MCEMP1: variants seen among roughly 807,000 people sequenced by gnomAD.
The protein encoded by MCEMP1 is mast cell-expressed membrane protein 1.
Under a neutral mutation model 27.9 loss-of-function variants are expected in MCEMP1, and 17 were observed. The ratio of observed to expected loss-of-function variants is 0.61; its 90% CI spans 0.42 to 0.91. The LOEUF is 0.91. Ranked by LOEUF, MCEMP1 falls within the 40% of genes least tolerant of loss-of-function variation. MCEMP1 has a pLI of 0.00. For synonymous variants in MCEMP1, 88 were observed against 76.9 expected, an observed-to-expected ratio of 1.14 and a Z score of -0.76; for missense variants, 200 against 204.8, an observed-to-expected ratio of 0.98 and a Z score of 0.14.
Position 7,677,897 on chromosome 19 carries a change from C to A in MCEMP1, c.145+171C>A. The A allele has an allele frequency of 3.9e-6, 4 of 1,027,214 alleles. No homozygotes were observed. Among genetic ancestry groups the A allele is most frequent in the Non-Finnish European group, 5.8e-6 (4 of 692,294 alleles). 63.6% of individuals were successfully genotyped at this position (1,027,214 alleles called of 1,614,324 possible). A position where few individuals can be genotyped will look rare whatever the true frequency, so the allele number is the denominator to read the frequency against. ...TTGATGATGACAATGTTGGGGAATG[C>A]TGGAGAGGGGGTCTGTGATGGTGAC... is the stretch of plus-strand genomic sequence containing the variant. On this transcript the variant is annotated intron_variant, in intron 2 of 6. Transcript: ENST00000333598. This position sits in a 1 kb window ranked among gnomAD's most constrained non-coding sequence, Gnocchi z 4.6.
In MCEMP1 at chr19:7,678,146, C is replaced by T. The variant is rs2032573636; in HGVS notation, c.188C>T (p.Pro63Leu). 6.2e-7 allele frequency: 1 copy of T among 1,613,640 alleles called. No individual in the cohort carries two copies. Among genetic ancestry groups the T allele is most frequent in the Non-Finnish European group, 8.5e-7 (1 of 1,179,754 alleles). ...CRPPSDSTQVPCWLYRAILSL... is the reference protein window; with the variant it reads ...CRPPSDSTQVLCWLYRAILSL... ...CCGCCCTCAGACTCCACCCAGGTCC[C>T]CTGCTGGTTGTACAGAGCCATCCTG... The change falls in exon 3 of 7, where the codon CCC becomes CTC. Residue 63 changes from proline (P) to leucine (L), a missense_variant. Coordinates refer to ENST00000333598, the MANE Select transcript of MCEMP1 (RefSeq NM_174918.3). This position sits in a 1 kb window ranked among gnomAD's most constrained non-coding sequence, Gnocchi z 4.8.
rs1296209375 is a variant in MCEMP1, at chr19:7,679,322, G to A, written c.*208G>A. ...CGTGCGTGTGTGTGCGTGTGTGCGC[G>A]TGTGTTCGTGTATGTGCGTGTGTGC... On this transcript the variant is annotated 3_prime_UTR_variant, in exon 7 of 7. Coordinates refer to ENST00000333598, the MANE Select transcript of MCEMP1 (RefSeq NM_174918.3). This position sits in a 1 kb window ranked among gnomAD's most constrained non-coding sequence, Gnocchi z 4.9. 4.6e-5 allele frequency: 29 copies of A among 625,230 alleles called. No homozygotes were observed. Among genetic ancestry groups the A allele is most frequent in the South Asian group, 1.5e-4 (7 of 46,986 alleles). The allele number at this position is 625,230 out of a possible 1,614,324, so 38.7% of individuals were successfully genotyped here.
chr19:7,678,300 C>G lies in MCEMP1; in HGVS notation c.284-50C>G. The G allele has an allele frequency of 2.5e-6, 4 of 1,613,510 alleles. No individual in the cohort carries two copies. Among genetic ancestry groups the G allele is most frequent in the Non-Finnish European group, 3.4e-6 (4 of 1,179,554 alleles). On this transcript the variant is annotated intron_variant, in intron 3 of 6. Coordinates refer to ENST00000333598, the MANE Select transcript of MCEMP1 (RefSeq NM_174918.3). The surrounding 1 kb of genome is among the most constrained non-coding windows in gnomAD (Gnocchi z 4.8). The stretch of plus-strand genomic sequence containing the variant: ...CCTAGACTTTCTCCCTTGTCCTTCT[C>G]TCTCTCTCTCCCTGGGTGCTTCAAG...
At position 7,678,576 on chromosome 19, in the gene MCEMP1, G is replaced by C; in HGVS notation, c.420G>C (p.Lys140Asn). 2 of 1,614,054 alleles carry C rather than the reference G, an allele frequency of 1.2e-6. No homozygotes were observed. Among genetic ancestry groups the C allele is most frequent in the Non-Finnish European group, 1.7e-6 (2 of 1,179,922 alleles). ...AGAGCATCACCATGGTCAGGAGCAA[G>C]ATTGATAGATTAGAGACGACATTAG... The part of the protein sequence containing the change: ...VQQSITMVRS[K>N]IDRLETTLAG... Residue 140 changes from lysine (K) to asparagine (N), a missense_variant, in exon 5 of 7, where the codon AAG becomes AAC. Physicochemically the swap from Lys to Asn is moderately conservative, Grantham distance 94. Coordinates refer to ENST00000333598, the MANE Select transcript of MCEMP1 (RefSeq NM_174918.3). The surrounding 1 kb of genome is among the most constrained non-coding windows in gnomAD (Gnocchi z 4.8).
chr19:7,677,212 G>A lies in MCEMP1; in HGVS notation c.55+37G>A, dbSNP rs755531314. The stretch of plus-strand genomic sequence containing the variant: ...CGAGGTGGAAGGGAGGGGTTAAGAA[G>A]GAGAGATTGGGGGGCCGGGGGCTTT... On this transcript the variant is annotated intron_variant, in intron 1 of 6. Transcript: ENST00000333598. The surrounding 1 kb of genome is among the most constrained non-coding windows in gnomAD (Gnocchi z 4.6). 5 of 1,533,366 alleles carry A rather than the reference G, an allele frequency of 3.3e-6. No individual in the cohort carries two copies. Among genetic ancestry groups the A allele is most frequent in the Non-Finnish European group, 4.4e-6 (5 of 1,128,792 alleles). The allele number at this position is 1,533,366 out of a possible 1,614,324, so 95.0% of individuals were successfully genotyped here.
chr19:7,678,573 C>G lies in MCEMP1; in HGVS notation c.417C>G (p.Ser139Arg). ...SVQQSITMVRSKIDRLETTLA... is the reference protein window; with the variant it reads ...SVQQSITMVRRKIDRLETTLA... ...AGCAGAGCATCACCATGGTCAGGAG[C>G]AAGATTGATAGATTAGAGACGACAT... Residue 139 changes from serine to arginine, a missense_variant, in exon 5 of 7, where the codon AGC (serine) becomes AGG (arginine). Coordinates refer to ENST00000333598, the MANE Select transcript of MCEMP1 (RefSeq NM_174918.3). This position sits in a 1 kb window ranked among gnomAD's most constrained non-coding sequence, Gnocchi z 4.8. The G allele has an allele frequency of 6.2e-7, 1 of 1,614,004 alleles. No individual in the cohort carries two copies.
chr19:7,677,656 T>G lies in MCEMP1; in HGVS notation c.75T>G (p.Tyr25Ter). 1 of 1,614,010 alleles carries G rather than the reference T, an allele frequency of 6.2e-7. No homozygotes were observed. Among genetic ancestry groups the G allele is most frequent in the Non-Finnish European group, 8.5e-7 (1 of 1,179,924 alleles). ...AKNQGAHDPD[Y>*]ENITLAFKNQ... ...TCCCAGGTGCCCATGACCCAGACTA[T>G]GAGAATATCACCTTGGCCTTCAAAA... The change falls in exon 2 of 7, where the codon TAT becomes TAG. Residue 25 changes from tyrosine to a stop codon, truncating the protein, a stop_gained. Transcript: ENST00000333598. LOFTEE classifies it high-confidence loss of function. The surrounding 1 kb of genome is among the most constrained non-coding windows in gnomAD (Gnocchi z 4.6).
chr19:7,677,854 A>G lies in MCEMP1; in HGVS notation c.145+128A>G. ...GGGAAGGAAGAGGTGACAGCTGTTG[A>G]CGTGCTAATGAGGTCTGTTGATGAT... On this transcript the variant is annotated intron_variant, in intron 2 of 6. Coordinates refer to ENST00000333598, the MANE Select transcript of MCEMP1 (RefSeq NM_174918.3). The surrounding 1 kb of genome is among the most constrained non-coding windows in gnomAD (Gnocchi z 4.6). The G allele has an allele frequency of 2.8e-6, 3 of 1,065,476 alleles. No individual in the cohort carries two copies. Among genetic ancestry groups the G allele is most frequent in the Middle Eastern group, 3.0e-4 (1 of 3,300 alleles). The allele number at this position is 1,065,476 out of a possible 1,614,324, so 66.0% of individuals were successfully genotyped here.
Position 7,677,133 on chromosome 19 carries a change from G to A in MCEMP1, c.13G>A (p.Ala5Thr). The part of the protein sequence containing the change: MQAP[A>T]FRDKKQGVSA... ...CCAGGAAGTCAAGATGCAAGCACCA[G>A]CCTTCAGGGACAAGAAACAGGGGGT... Residue 5 changes from alanine to threonine, a missense_variant, in exon 1 of 7, where the codon GCC (alanine) becomes ACC (threonine). Physicochemically the swap from Ala to Thr is moderately conservative, Grantham distance 58. Transcript: ENST00000333598. This position sits in a 1 kb window ranked among gnomAD's most constrained non-coding sequence, Gnocchi z 4.6. 1 of 1,600,268 alleles carries A rather than the reference G, an allele frequency of 6.2e-7. No homozygotes were observed. The highest frequency in any genetic ancestry group is 8.5e-7 in the Non-Finnish European group (1 of 1,173,012).
At position 7,679,411 on chromosome 19, in the gene MCEMP1, A is replaced by G. The variant is rs1265880040; in HGVS notation, c.*297A>G. ...CAGTGTATCTCCCAGAAAGGTGATG[A>G]ATGAATAGGACTGAGAGTCACAGTG... On this transcript the variant is annotated 3_prime_UTR_variant, in exon 7 of 7. Transcript: ENST00000333598. The surrounding 1 kb of genome is among the most constrained non-coding windows in gnomAD (Gnocchi z 4.9). The G allele has an allele frequency of 2.3e-6, 1 of 444,060 alleles. No homozygotes were observed. The highest frequency in any genetic ancestry group is 4.0e-6 in the Non-Finnish European group (1 of 249,816). 27.5% of individuals were successfully genotyped at this position (444,060 alleles called of 1,614,324 possible).
In MCEMP1 at chr19:7,678,502, G is replaced by T; in HGVS notation, c.346G>T (p.Val116Leu). The T allele has an allele frequency of 6.2e-7, 1 of 1,614,102 alleles. No homozygotes were observed. Among genetic ancestry groups the T allele is most frequent in the African/African-American group, 1.3e-5 (1 of 75,016 alleles). Residue 116 changes from valine (V) to leucine (L), a missense_variant, in exon 5 of 7, where the codon GTA becomes TTA. Physicochemically the swap from Val to Leu is conservative, Grantham distance 32. Coordinates refer to ENST00000333598, the MANE Select transcript of MCEMP1 (RefSeq NM_174918.3). The surrounding 1 kb of genome is among the most constrained non-coding windows in gnomAD (Gnocchi z 4.8). ...TTTCATGCCCTCAGTCTCAAACTCC[G>T]TACAAGCATGCGAAGAGAGACAGAA... ...KRELWNVSNSVQACEERQKRG... is the reference protein window; with the variant it reads ...KRELWNVSNSLQACEERQKRG...
Position 7,677,721 on chromosome 19 carries a change from G to T in MCEMP1, c.140G>T (p.Ser47Ile). ...AAGGGTGGTCATTCACGACCCACGAGCCAAGGTGAGCAGACACCCACCTGC... is the reference window on the plus strand; with the variant it reads ...AAGGGTGGTCATTCACGACCCACGATCCAAGGTGAGCAGACACCCACCTGC... ...HAKGGHSRPTSQVPAQCRPPS... is the reference protein window; with the variant it reads ...HAKGGHSRPTIQVPAQCRPPS... The change falls in exon 2 of 7, where the codon AGC becomes ATC. Residue 47 changes from serine (S) to isoleucine (I), a missense_variant. Ser to Ile is a moderately radical substitution (Grantham distance 142). Transcript: ENST00000333598. The surrounding 1 kb of genome is among the most constrained non-coding windows in gnomAD (Gnocchi z 4.6). 6.2e-7 allele frequency: 1 copy of T among 1,603,782 alleles called. No homozygotes were observed. Among genetic ancestry groups the T allele is most frequent in the Non-Finnish European group, 8.5e-7 (1 of 1,174,548 alleles).
rs200494642 is a variant in MCEMP1, at chr19:7,678,123, G to T, written c.165G>T (p.Pro55=). The change falls in exon 3 of 7, where the codon CCG becomes CCT. Residue 55 remains proline, a synonymous_variant. Coordinates refer to ENST00000333598, the MANE Select transcript of MCEMP1 (RefSeq NM_174918.3). The surrounding 1 kb of genome is among the most constrained non-coding windows in gnomAD (Gnocchi z 4.8). ...CTCCAGTCCCAGCCCAGTGCAGGCC[G>T]CCCTCAGACTCCACCCAGGTCCCCT... is the stretch of plus-strand genomic sequence containing the variant. ...PTSQVPAQCR[P]PSDSTQVPCW... is the part of the protein sequence containing the mutation. The T allele has an allele frequency of 6.3e-5, 102 of 1,609,092 alleles. No homozygotes were observed. Among genetic ancestry groups the T allele is most frequent in the Non-Finnish European group, 8.2e-5 (96 of 1,177,854 alleles).
chr19:7,678,474 CT>C lies in MCEMP1; in HGVS notation c.335-16del, dbSNP rs1568481065. The C allele has an allele frequency of 1.2e-6, 2 of 1,613,732 alleles. No homozygotes were observed. The highest frequency in any genetic ancestry group is 2.2e-5 in the East Asian group (1 of 44,882). The stretch of plus-strand genomic sequence containing the variant: ...GAGAGGGATGGATGCACAGACACCC[CT>C]GTTTCATGCCCTCAGTCTCAAACTC... On this transcript the variant is annotated splice_polypyrimidine_tract_variant and intron_variant, in intron 4 of 6. Coordinates refer to ENST00000333598, the MANE Select transcript of MCEMP1 (RefSeq NM_174918.3). The surrounding 1 kb of genome is among the most constrained non-coding windows in gnomAD (Gnocchi z 4.8).
At position 7,678,909 on chromosome 19, in the gene MCEMP1, C is replaced by CA; in HGVS notation, c.449-15_449-14insA. On this transcript the variant is annotated splice_polypyrimidine_tract_variant and intron_variant, in intron 5 of 6. Coordinates refer to ENST00000333598, the MANE Select transcript of MCEMP1 (RefSeq NM_174918.3). This position sits in a 1 kb window ranked among gnomAD's most constrained non-coding sequence, Gnocchi z 4.8. ...TTGACTTATCTGTTCCCACCCAACCCTCCCCGCCCCCTAGGCATAAAAAAC... is the reference window on the plus strand; with the variant it reads ...TTGACTTATCTGTTCCCACCCAACCCATCCCCGCCCCCTAGGCATAAAAAAC... 1.4e-6 allele frequency: 2 copies of CA among 1,422,940 alleles called. No homozygotes were observed. Among genetic ancestry groups the CA allele is most frequent in the Non-Finnish European group, 9.7e-7 (1 of 1,026,562 alleles). 88.1% of individuals were successfully genotyped at this position (1,422,940 alleles called of 1,614,324 possible).
chr19:7,677,323 A>C lies in MCEMP1; in HGVS notation c.55+148A>C, dbSNP rs2032563892. On this transcript the variant is annotated intron_variant, in intron 1 of 6. Transcript: ENST00000333598. This position sits in a 1 kb window ranked among gnomAD's most constrained non-coding sequence, Gnocchi z 4.6. The stretch of plus-strand genomic sequence containing the variant: ...GGAGGTGGAGACTGGCCTGGGCAAC[A>C]TAGGGAGACTCTGTCTGTAAAAAAT... 1 of 692,568 alleles carries C rather than the reference A, an allele frequency of 1.4e-6. No individual in the cohort carries two copies. The highest frequency in any genetic ancestry group is 2.5e-6 in the Non-Finnish European group (1 of 407,736). 42.9% of individuals were successfully genotyped at this position (692,568 alleles called of 1,614,324 possible).
At position 7,677,825 on chromosome 19, in the gene MCEMP1, G is replaced by T. The variant is rs116503147; in HGVS notation, c.145+99G>T. The stretch of plus-strand genomic sequence containing the variant: ...CGGGGCTGCGTGGAAGGGAGGAAGC[G>T]ATGGGGAAGGAAGAGGTGACAGCTG... On this transcript the variant is annotated intron_variant, in intron 2 of 6. Transcript: ENST00000333598. The surrounding 1 kb of genome is among the most constrained non-coding windows in gnomAD (Gnocchi z 4.6). 1.4e-3 allele frequency: 1,765 copies of T among 1,220,294 alleles called. 12 individuals are homozygous for T. In the African/African-American group the frequency reaches 0.023, roughly 16 times the overall value. 75.6% of individuals were successfully genotyped at this position (1,220,294 alleles called of 1,614,324 possible).
rs907943819 is a variant in MCEMP1 at position 7,677,289 on chromosome 19, G to C, written c.55+114G>C. On this transcript the variant is annotated intron_variant, in intron 1 of 6. Transcript: ENST00000333598. This position sits in a 1 kb window ranked among gnomAD's most constrained non-coding sequence, Gnocchi z 4.6. ...TGGGAGGCTGAGGCGGGAGGATTGC[G>C]TGAGCCCTGGAGGTGGAGACTGGCC... 4 of 925,546 alleles carry C rather than the reference G, an allele frequency of 4.3e-6. No homozygotes were observed. Among genetic ancestry groups the C allele is most frequent in the Admixed American group, 4.5e-5 (2 of 44,338 alleles). The allele number at this position is 925,546 out of a possible 1,614,324, so 57.3% of individuals were successfully genotyped here.
chr19:7,677,349 A>G lies in MCEMP1; in HGVS notation c.55+174A>G, dbSNP rs766019324. On this transcript the variant is annotated intron_variant, in intron 1 of 6. Transcript: ENST00000333598. This position sits in a 1 kb window ranked among gnomAD's most constrained non-coding sequence, Gnocchi z 4.6. ...TAGGGAGACTCTGTCTGTAAAAAATAAAAATAAAAAAAGAAGGAGAGTTCA... is the reference window on the plus strand; with the variant it reads ...TAGGGAGACTCTGTCTGTAAAAAATGAAAATAAAAAAAGAAGGAGAGTTCA... Among the ~76,000 whole-genome samples, 1 of 151,848 alleles carries G rather than the reference A, an allele frequency of 6.6e-6. No individual in the cohort carries two copies. Among genetic ancestry groups the G allele is most frequent in the Non-Finnish European group, 1.5e-5 (1 of 67,972 alleles).
Sources: allele counts gnomAD v4.1 joint callset (sites outside exome capture counted in the v4.1 genomes callset), GRCh38; gene constraint gnomAD v4.1.1; non-coding constraint Gnocchi (gnomAD v3.1); transcripts MANE v1.5; gene names NCBI Gene and HGNC (gene_info 2026-07-23, HGNC 2026-07-21).